The following NTM variants were observed in gnomAD, a reference collection of about 807,000 sequenced individuals.
NTM encodes neurotrimin.
In NTM, 13 loss-of-function variants were observed where a neutral mutation model predicts 42.1. The observed-to-expected ratio is 0.31, with a 90% CI of 0.20 to 0.49. NTM has a LOEUF of 0.49. NTM is among the 20% of genes least tolerant of loss of function. NTM has a pLI of 0.99. For missense variants in NTM, 373 were observed against 452.8 expected, an observed-to-expected ratio of 0.82 and a Z score of 1.60; for synonymous variants, 187 against 179.2, an observed-to-expected ratio of 1.04 and a Z score of -0.35.
At chr11:132,321,341 T>C (rs906496581) in intron 7 of NTM, among the ~76,000 whole-genome samples, 2 of 152,080 alleles carry the variant, frequency 1.3e-5, no homozygotes, top group African/African-American at 2.4e-5. Context: ...AAGGAGCTGA[T>C]GGAGGTGAAA....
intron 2 of NTM, among the ~76,000 whole-genome samples, chr11:132,086,866 C>A (rs879479714): frequency 1.3e-5 from 2 of 152,178 alleles, no homozygotes; most frequent in Non-Finnish European, 2.9e-5. Context: ...TGGAAATTAA[C>A]TTTTCTCAGT....
chr11:131,740,708 A>G (rs565389447), intron 1 of NTM, among the ~76,000 whole-genome samples: 2 of 152,238 alleles, frequency 1.3e-5, no homozygotes, highest in African/African-American at 4.8e-5. Context: ...AGTAAAACAG[A>G]GCTGCAGGCA....
chr11:132,152,640 G>C (rs533956436), intron 3 of NTM, among the ~76,000 whole-genome samples: 1 of 152,224 alleles, frequency 6.6e-6, no homozygotes, highest in Non-Finnish European at 1.5e-5. Flanking sequence ...ACACTATCTA[G>C]ACAGCATGCA....
At chr11:131,414,706 G>T (rs1946762718) in intron 1 of NTM, among the ~76,000 whole-genome samples, 1 of 152,204 alleles carries the variant, frequency 6.6e-6, no homozygotes, top group Non-Finnish European at 1.5e-5. Context: ...GATGGACAGA[G>T]ATCCTTAATT....
At chr11:132,014,315 C>G (rs999651538) in intron 2 of NTM, among the ~76,000 whole-genome samples, 57 of 152,166 alleles carry the variant, frequency 3.7e-4, no homozygotes, top group African/African-American at 1.4e-3. Context: ...TAGGTTGGTT[C>G]CACATCTTTG....
At chr11:132,106,406 G>A (rs1440247589) in intron 2 of NTM, among the ~76,000 whole-genome samples, 3 of 152,240 alleles carry the variant, frequency 2.0e-5, no homozygotes, top group South Asian at 2.1e-4. Flanking sequence ...TGGGAAAGGG[G>A]CAGCTTGGTC....
At chr11:131,877,357 T>TGG (rs1325540539) in intron 1 of NTM, among the ~76,000 whole-genome samples, 3 of 152,154 alleles carry the variant, frequency 2.0e-5, no homozygotes, top group African/African-American at 7.2e-5. Flanking sequence ...AAGTTGGTTT[T>TGG]GGGATTTGAA....
intron 2 of NTM, among the ~76,000 whole-genome samples, chr11:132,135,055 C>T (rs2137140099): frequency 6.6e-6 from 1 of 152,220 alleles, no homozygotes; most frequent in Non-Finnish European, 1.5e-5. Context: ...ATCCTCCTCC[C>T]CTCCCCACAG....
chr11:132,067,394 C>T lies in NTM; in HGVS notation c.168-78888C>T, dbSNP rs183967126. Among the ~76,000 whole-genome samples the T allele has an allele frequency of 1.4e-4, 21 of 152,294 alleles. No homozygotes were observed. The East Asian group carries it at 2.5e-3, about 18-fold the overall frequency. On this transcript the variant is annotated intron_variant, in intron 2 of 8. Coordinates refer to ENST00000683400, the MANE Select transcript of NTM (RefSeq NM_001352005.2). ...GCCTGTTACAGCATCAACTCACATC[C>T]AAAATCTTACCTAAGTGTCATCAGC...
intron 1 of NTM, among the ~76,000 whole-genome samples, chr11:131,509,562 G>C (rs1456524451): frequency 6.6e-6 from 1 of 152,224 alleles, no homozygotes; most frequent in East Asian, 1.9e-4. Context: ...GACCCTGTGA[G>C]AGACAGGAAG....
chr11:132,167,363 GTCT>G (rs148820807), intron 3 of NTM, among the ~76,000 whole-genome samples: 7,215 of 152,198 alleles, frequency 0.047, 552 homozygotes, highest in African/African-American at 0.16. Flanking sequence ...ACCATGCCAA[GTCT>G]TCTCTTCCTC....
chr11:131,886,423 T>TC (rs77356587), intron 1 of NTM, among the ~76,000 whole-genome samples: 3,217 of 152,282 alleles, frequency 0.021, 237 homozygotes, highest in East Asian at 0.21. Flanking sequence ...TCTTCCCCGT[T>TC]CCCCACCTGG....
intron 1 of NTM, among the ~76,000 whole-genome samples, chr11:131,485,573 G>T (rs1954092590): frequency 6.6e-6 from 1 of 152,196 alleles, no homozygotes; most frequent in South Asian, 2.1e-4. Flanking sequence ...TATTTCTGAG[G>T]ATGTGTGGCA....
intron 7 of NTM, 191 bp downstream of exon 7, chr11:132,314,894 C>T (rs910902073): frequency 1.5e-6 from 2 of 1,349,286 alleles, no homozygotes; most frequent in Non-Finnish European, 9.5e-7. Flanking sequence ...AGGAGGCAGA[C>T]AGAAAGAGAA....
rs542524428 is a variant in NTM, at chr11:131,692,213, G to T, written c.83-219351G>T. On this transcript the variant is annotated intron_variant, in intron 1 of 8. Coordinates refer to ENST00000683400, the MANE Select transcript of NTM (RefSeq NM_001352005.2). ...CCCCTAGACCCTGCCTACAAGAGGTGCCACCTCCCATGCAGACCTCTGGGT... is the reference window on the plus strand; with the variant it reads ...CCCCTAGACCCTGCCTACAAGAGGTTCCACCTCCCATGCAGACCTCTGGGT... Among the ~76,000 whole-genome samples the T allele has an allele frequency of 1.1e-4, 16 of 148,926 alleles. No homozygotes were observed. The South Asian group carries it at 3.3e-3, about 31-fold the overall frequency.
chr11:131,796,536 T>G (rs946086811), intron 1 of NTM, among the ~76,000 whole-genome samples: 9 of 152,300 alleles, frequency 5.9e-5, no homozygotes, highest in South Asian at 2.1e-4. Context: ...CTGTCCCCTT[T>G]TCTGCCTTCC....
At chr11:131,606,471 G>C (rs2060967533) in intron 1 of NTM, among the ~76,000 whole-genome samples, 1 of 152,240 alleles carries the variant, frequency 6.6e-6, no homozygotes, top group Admixed American at 6.5e-5. Context: ...TAGGTAGATA[G>C]ATGCTGAGTG....
chr11:132,297,327 AC>A (rs2094649509), intron 4 of NTM, among the ~76,000 whole-genome samples: 1 of 152,152 alleles, frequency 6.6e-6, no homozygotes, highest in Non-Finnish European at 1.5e-5. Context: ...TGATACCATC[AC>A]TAATAAATGG....
At chr11:132,111,282 A>T (rs1399348813) in intron 2 of NTM, among the ~76,000 whole-genome samples, 2 of 151,168 alleles carry the variant, frequency 1.3e-5, no homozygotes, top group Admixed American at 6.6e-5. Flanking sequence ...CACATATATA[A>T]ATATATGTAT....
Sources: allele counts gnomAD v4.1 joint callset (sites outside exome capture counted in the v4.1 genomes callset), GRCh38; gene constraint gnomAD v4.1.1; transcripts MANE v1.5; gene names NCBI Gene and HGNC (gene_info 2026-07-23, HGNC 2026-07-21).